GNE: variants seen among roughly 807,000 people sequenced by gnomAD.
GNE encodes glucosamine (UDP-N-acetyl)-2-epimerase/N-acetylmannosamine kinase.
Under a neutral mutation model 61.8 loss-of-function variants are expected in GNE, and 41 were observed. The ratio of observed to expected loss-of-function variants is 0.66; its 90% confidence interval spans 0.52 to 0.86. GNE has a LOEUF of 0.86. Among genes scored for constraint, GNE ranks in the 40% least tolerant of loss-of-function variants. GNE has a pLI of 0.00. For synonymous variants in GNE, 264 were observed against 326.4 expected, an observed-to-expected ratio of 0.81 and a Z score of 2.06; for missense variants, 608 against 909.1, an observed-to-expected ratio of 0.67 and a Z score of 4.26.
chr9:36,264,509 A>G (rs1350873912), intron 1 of GNE, among the ~76,000 whole-genome samples: 7 of 152,164 alleles, frequency 4.6e-5, no homozygotes. Context: ...TGAGCCAGGG[A>G]GAATCCCCAA....
intron 5 of GNE, among the ~76,000 whole-genome samples, chr9:36,230,033 A>G (rs954375814): frequency 6.6e-5 from 10 of 151,490 alleles, no homozygotes; most frequent in African/African-American, 2.4e-4. Flanking sequence ...TGCAACCTCT[A>G]CCTCCCAGGT....
At chr9:36,238,515 T>C (rs1194866883) in intron 3 of GNE, among the ~76,000 whole-genome samples, 3 of 152,244 alleles carry the variant, frequency 2.0e-5, no homozygotes, top group African/African-American at 7.2e-5. Flanking sequence ...TTCAGCATTT[T>C]TTCATATGTT....
At position 36,246,027 on chromosome 9, in the gene GNE, G is replaced by A. The variant is rs772904234; in HGVS notation, c.616+4C>T. 7.5e-6 allele frequency: 12 copies of A among 1,609,736 alleles called. No individual in the cohort carries two copies. The highest frequency in any genetic ancestry group is 1.3e-5 in the African/African-American group (1 of 74,970). ...TTAGACTGACTAAAGTCTGAGATAC[G>A]TACCTAGCCACATGCGAATGATGCT... On this transcript the variant is annotated splice_donor_region_variant and intron_variant, in intron 3 of 11. Coordinates refer to ENST00000642385, the MANE Select transcript of GNE (RefSeq NM_005476.7).
chr9:36,271,919 T>A (rs886883957), intron 1 of GNE, among the ~76,000 whole-genome samples: 4 of 152,112 alleles, frequency 2.6e-5, no homozygotes, highest in Non-Finnish European at 2.9e-5. Context: ...AGAAACACAG[T>A]CAATAAACAT....
At chr9:36,220,119 G>A (rs1828524228) in intron 9 of GNE, 99 bp from the exon 10 acceptor site, 1 of 972,378 alleles carries the variant, frequency 1.0e-6, no homozygotes, top group Non-Finnish European at 1.7e-6. Context: ...TGGCATGTGA[G>A]GGTCTATAGA....
Position 36,236,725 on chromosome 9 carries a change from G to A in GNE, c.769+107C>T, listed in dbSNP as rs1444910145. The A allele has an allele frequency of 1.2e-5, 11 of 938,996 alleles. No homozygotes were observed. In the East Asian group the frequency reaches 2.4e-4, roughly 21 times the overall value. The allele number at this position is 938,996 out of a possible 1,614,324, so 58.2% of individuals were successfully genotyped here. On this transcript the variant is annotated intron_variant, in intron 4 of 11. Coordinates refer to ENST00000642385, the MANE Select transcript of GNE (RefSeq NM_005476.7). ...ATTGGAATGCATTTCAGAATAGAGT[G>A]CCCTTCAATGATAAGATGAGCAAGA...
rs1828505025 is a variant in GNE at position 36,219,860 on chromosome 9, C to CATGG, written c.1793_1794insCCAT (p.Arg598SerfsTer9). 6.2e-7 allele frequency: 1 copy of CATGG among 1,613,978 alleles called. No homozygotes were observed. Among genetic ancestry groups the CATGG allele is most frequent in the Non-Finnish European group, 8.5e-7 (1 of 1,179,988 alleles). On this transcript the variant is annotated frameshift_variant, in exon 10 of 12. Transcript: ENST00000642385. LOFTEE classifies it high-confidence loss of function. Reference sequence around the variant, plus strand: ...AACCATCATGGAGCTTTTTTGCCTCCCTCTGCAAGGCCATTCCAGAGGCGT... The same window carrying CATGG: ...AACCATCATGGAGCTTTTTTGCCTCCATGGCTCTGCAAGGCCATTCCAGAGGCGT...
At chr9:36,243,664 G>A (rs1829742612) in intron 3 of GNE, among the ~76,000 whole-genome samples, 1 of 152,076 alleles carries the variant, frequency 6.6e-6, no homozygotes, top group African/African-American at 2.4e-5. Flanking sequence ...GCAAAATAGT[G>A]AGACCCCATC....
intron 5 of GNE, among the ~76,000 whole-genome samples, chr9:36,231,762 A>G (rs1455277302): frequency 6.6e-6 from 1 of 152,204 alleles, no homozygotes; most frequent in Non-Finnish European, 1.5e-5. Context: ...CTGTTATAGC[A>G]GCCAAACTGA....
chr9:36,267,924 T>C (rs1830869549), intron 1 of GNE: 1 of 151,908 alleles, frequency 6.6e-6, no homozygotes, highest in Non-Finnish European at 1.5e-5. Flanking sequence ...CATTTGAGTC[T>C]AGGAGTTCGA....
At chr9:36,219,732 A>G in intron 10 of GNE, 106 bp downstream of exon 10, 1 of 1,038,858 alleles carries the variant, frequency 9.6e-7, no homozygotes, top group Admixed American at 1.8e-5. Flanking sequence ...TAAGAAGTGA[A>G]AAGGGGGAAA....
In GNE at chr9:36,217,454, C is replaced by G; in HGVS notation, c.2080G>C (p.Val694Leu). 6.2e-7 allele frequency: 1 copy of G among 1,614,140 alleles called. No individual in the cohort carries two copies. The highest frequency in any genetic ancestry group is 8.5e-7 in the Non-Finnish European group (1 of 1,179,996). ...ACCAAATCCGAAACCACCACATCCA[C>G]GTCCTGCACGGAGGACAAGGCCTGC... ...RQQALSSVQD[V>L]DVVVSDLVDP... Residue 694 changes from valine (V) to leucine (L), a missense_variant, in exon 12 of 12, where the codon GTG becomes CTG. Val to Leu is a conservative substitution (Grantham distance 32). Transcript: ENST00000642385.
rs141372932 is a variant in GNE at position 36,230,011 on chromosome 9, A to G, written c.983-903T>C. On this transcript the variant is annotated intron_variant, in intron 5 of 11. Transcript: ENST00000642385. ...GCCCAGGCTGAAGTGCAGTGGCACAATCTCAGCTCACTGCAACCTCTACCT... is the reference window on the plus strand; with the variant it reads ...GCCCAGGCTGAAGTGCAGTGGCACAGTCTCAGCTCACTGCAACCTCTACCT... 5.9e-3 allele frequency among the ~76,000 whole-genome samples: 897 copies of G among 152,202 alleles called. 8 individuals carry two copies. Among genetic ancestry groups the G allele is most frequent in the African/African-American group, 0.02 (847 of 41,496 alleles).
rs1329560738 is a variant in GNE at position 36,218,825 on chromosome 9, CAGT to C, written c.1817-529_1817-527del. On this transcript the variant is annotated intron_variant, in intron 10 of 11. Coordinates refer to ENST00000642385, the MANE Select transcript of GNE (RefSeq NM_005476.7). This position sits in a 1 kb window ranked among gnomAD's most constrained non-coding sequence, Gnocchi z 4.1. ...ATTCCTCCTTCCTAGAAGATGAGAC[CAGT>C]AGTGCCTCCCCTGGCAGGGTTATTT... Among the ~76,000 whole-genome samples, 1 of 152,228 alleles carries C rather than the reference CAGT, an allele frequency of 6.6e-6. No homozygotes were observed.
intron 3 of GNE, among the ~76,000 whole-genome samples, 187 bp from the exon 4 acceptor site, chr9:36,237,171 A>G (rs1258737454): frequency 6.6e-6 from 1 of 152,246 alleles, no homozygotes; most frequent in African/African-American, 2.4e-5. Flanking sequence ...AACAAATCCA[A>G]GTATTCAGCA....
At chr9:36,258,546 C>A, upstream of GNE, 1 of 981,848 alleles carries the variant, frequency 1.0e-6, no homozygotes, top group Non-Finnish European at 1.2e-6. Context: ...CCCGAGAGAG[C>A]TCGCGTGATT....
chr9:36,269,044 C>T (rs1197141935), intron 1 of GNE, among the ~76,000 whole-genome samples: 9 of 151,418 alleles, frequency 5.9e-5, no homozygotes, highest in Admixed American at 5.9e-4. Flanking sequence ...ACAGGAGAAT[C>T]GCTTGAACCT....
intron 1 of GNE, among the ~76,000 whole-genome samples, chr9:36,265,803 T>G (rs184682794): frequency 6.6e-6 from 1 of 152,340 alleles, no homozygotes; most frequent in Admixed American, 6.5e-5. Context: ...GCATGCGCCG[T>G]TCACAATAGG....
At chr9:36,238,797 T>C (rs560140222) in intron 3 of GNE, among the ~76,000 whole-genome samples, 3 of 152,350 alleles carry the variant, frequency 2.0e-5, no homozygotes, top group Non-Finnish European at 4.4e-5. Flanking sequence ...TTCTTGGTCA[T>C]GAAATCCTTG....
Sources: allele counts gnomAD v4.1 joint callset (sites outside exome capture counted in the v4.1 genomes callset), GRCh38; gene constraint gnomAD v4.1.1; non-coding constraint Gnocchi (gnomAD v3.1); transcripts MANE v1.5; gene names NCBI Gene and HGNC (gene_info 2026-07-23, HGNC 2026-07-21).